The following SORCS2 variants were observed in gnomAD, a reference collection of about 807,000 sequenced individuals.
SORCS2 encodes sortilin related VPS10 domain containing receptor 2, also known as VPS10 domain-containing receptor SorCS2.
In SORCS2, 100 loss-of-function variants were observed where a neutral mutation model predicts 141.6. The observed-to-expected ratio is 0.71, with a 90% CI of 0.60 to 0.83. The LOEUF is 0.83. SORCS2 is among the 40% of genes least tolerant of loss of function. SORCS2 has a pLI of 0.00. For missense variants in SORCS2, 1,646 were observed against 1,560.2 expected (o/e 1.05, Z -0.93); for synonymous variants, 789 against 676.9 (o/e 1.17, Z -2.57).
intron 1 of SORCS2, among the ~76,000 whole-genome samples, chr4:7,273,564 G>C (rs1279123997): frequency 1.3e-5 from 2 of 152,210 alleles, no homozygotes; most frequent in Non-Finnish European, 2.9e-5. Context: ...TGGACGTCCA[G>C]GGGTAAGTGG....
chr4:7,534,292 G>C (rs1431730406), intron 3 of SORCS2, among the ~76,000 whole-genome samples: 1 of 152,000 alleles, frequency 6.6e-6, no homozygotes, highest in Non-Finnish European at 1.5e-5. Context: ...CAGTGCCTGT[G>C]CTGGGGAGTC....
chr4:7,335,772 TG>T lies in SORCS2; in HGVS notation c.481-60510del, dbSNP rs1330496704. ...TGAAAGACTTGCTCGGGCTCCCGGC[TG>T]GGGGGTGTGGCGTGGCGACTGGAAC... On this transcript the variant is annotated intron_variant, in intron 1 of 26. Transcript: ENST00000507866. 5.3e-5 allele frequency among the ~76,000 whole-genome samples: 8 copies of T among 152,316 alleles called. 1 individual carries two copies. The East Asian group carries it at 9.6e-4, about 18-fold the overall frequency.
At chr4:7,322,446 G>T (rs531407623) in intron 1 of SORCS2, among the ~76,000 whole-genome samples, 1 of 152,332 alleles carries the variant, frequency 6.6e-6, no homozygotes, top group Admixed American at 6.5e-5. Context: ...GGGGCCTAAG[G>T]TGTACCGCGT....
At chr4:7,339,753 C>T (rs980855532) in intron 1 of SORCS2, among the ~76,000 whole-genome samples, 10 of 151,506 alleles carry the variant, frequency 6.6e-5, no homozygotes, top group African/African-American at 2.4e-4. Context: ...TTGGGGAGCA[C>T]AGTTCAACCC....
intron 5 of SORCS2, among the ~76,000 whole-genome samples, chr4:7,655,202 T>TACACACACAC (rs144046004): frequency 0.02 from 2,947 of 148,966 alleles, 111 homozygotes; most frequent in African/African-American, 0.069. Context: ...CTTGTGCGTG[T>TACACACACAC]ACACACACAC....
At chr4:7,218,205 G>C (rs1429122743) in intron 1 of SORCS2, among the ~76,000 whole-genome samples, 2 of 152,200 alleles carry the variant, frequency 1.3e-5, no homozygotes, top group African/African-American at 4.8e-5. Context: ...TCCCCAACGA[G>C]TAGATCCTGC....
chr4:7,689,382 T>G, intron 10 of SORCS2, 104 bp from the exon 11 acceptor site: 1 of 1,084,688 alleles, frequency 9.2e-7, no homozygotes, highest in Non-Finnish European at 1.3e-6. Flanking sequence ...TGGCCCAGCC[T>G]TCTCTCCCAA....
At chr4:7,275,529 G>C (rs1715448321) in intron 1 of SORCS2, among the ~76,000 whole-genome samples, 2 of 152,140 alleles carry the variant, frequency 1.3e-5, no homozygotes, top group Admixed American at 1.3e-4. Flanking sequence ...AATGTCCCCA[G>C]GCTGAGAGGC....
At chr4:7,202,636 A>C (rs1727540270) in intron 1 of SORCS2, among the ~76,000 whole-genome samples, 1 of 152,192 alleles carries the variant, frequency 6.6e-6, no homozygotes, top group Non-Finnish European at 1.5e-5. Context: ...GCTCAGATAA[A>C]TGAAGTTCAA....
intron 2 of SORCS2, among the ~76,000 whole-genome samples, chr4:7,404,630 G>A (rs1211314540): frequency 6.6e-6 from 1 of 152,100 alleles, no homozygotes; most frequent in Non-Finnish European, 1.5e-5. Flanking sequence ...TCATCTGCCT[G>A]TCGACCATGT....
chr4:7,576,979 G>A (rs1215132564), intron 3 of SORCS2, among the ~76,000 whole-genome samples: 6 of 152,344 alleles, frequency 3.9e-5, no homozygotes, highest in African/African-American at 1.4e-4. Flanking sequence ...CACGTGAAAT[G>A]TCATGGTTGT....
chr4:7,703,206 C>A, intron 12 of SORCS2, 74 bp from the exon 13 acceptor site: 1 of 1,254,738 alleles, frequency 8.0e-7, no homozygotes, highest in Non-Finnish European at 1.1e-6. Flanking sequence ...ACCCTCCTCC[C>A]AGGAGCCGCT....
chr4:7,352,926 T>C (rs192704730), intron 1 of SORCS2, among the ~76,000 whole-genome samples: 89 of 152,290 alleles, frequency 5.8e-4, no homozygotes, highest in Non-Finnish European at 1.1e-3. Context: ...CCTAACACCC[T>C]GCACAAGGGC....
In SORCS2 at chr4:7,215,013, G is replaced by T. The variant is rs764983954; in HGVS notation, c.480+21887G>T. The stretch of plus-strand genomic sequence containing the variant: ...TGCTCTCGGTGCGTCCTCTGCCTGG[G>T]CTCCCACTTTGGCGGCACTTGAGGA... On this transcript the variant is annotated intron_variant, in intron 1 of 26. Transcript: ENST00000507866. Among the ~76,000 whole-genome samples the T allele has an allele frequency of 5.3e-5, 8 of 152,168 alleles. 1 individual carries two copies. The highest frequency in any genetic ancestry group is 3.4e-3 in the Middle Eastern group (1 of 294).
rs953913606 is a variant in SORCS2 at position 7,266,221 on chromosome 4, C to T, written c.480+73095C>T. Among the ~76,000 whole-genome samples, 4 of 152,192 alleles carry T rather than the reference C, an allele frequency of 2.6e-5. No homozygotes were observed. In the South Asian group the frequency reaches 8.3e-4, roughly 32 times the overall value. On this transcript the variant is annotated intron_variant, in intron 1 of 26. Coordinates refer to ENST00000507866, the MANE Select transcript of SORCS2 (RefSeq NM_020777.3). ...TCCCAGCCAATAGGGCTGTGCAGGC[C>T]AGCGGGTGGCCTGGCCTGGGAGGGC...
At chr4:7,423,317 C>T (rs1009726169) in intron 2 of SORCS2, among the ~76,000 whole-genome samples, 3 of 152,172 alleles carry the variant, frequency 2.0e-5, no homozygotes, top group Non-Finnish European at 4.4e-5. Context: ...TGTGTCTGCT[C>T]CATTAGGTGA....
intron 1 of SORCS2, among the ~76,000 whole-genome samples, chr4:7,234,103 A>G (rs903999034): frequency 6.6e-6 from 1 of 152,106 alleles, no homozygotes; most frequent in Non-Finnish European, 1.5e-5. Flanking sequence ...TTACTAGGAC[A>G]AGGACCTTGA....
chr4:7,501,267 C>A (rs1350056776), intron 2 of SORCS2, among the ~76,000 whole-genome samples: 2 of 152,240 alleles, frequency 1.3e-5, no homozygotes, highest in East Asian at 3.8e-4. Flanking sequence ...ATGCTCTTTA[C>A]AAAGAACCTT....
chr4:7,579,763 T>A (rs926597085), intron 3 of SORCS2, among the ~76,000 whole-genome samples: 4 of 152,164 alleles, frequency 2.6e-5, no homozygotes, highest in Admixed American at 2.0e-4. Flanking sequence ...GAGTCTGCCT[T>A]CTGTCAGAGA....
Sources: allele counts gnomAD v4.1 joint callset (sites outside exome capture counted in the v4.1 genomes callset), GRCh38; gene constraint gnomAD v4.1.1; transcripts MANE v1.5; gene names NCBI Gene and HGNC (gene_info 2026-07-23, HGNC 2026-07-21).